Variants in NTRK2 observed in about 807,000 individuals in gnomAD.
The protein encoded by NTRK2 is BDNF/NT-3 growth factors receptor.
In NTRK2, 13 loss-of-function variants were observed where a neutral mutation model predicts 94.5. The ratio of observed to expected loss-of-function variants is 0.14; its 90% CI spans 0.09 to 0.22. NTRK2 has a LOEUF of 0.22. NTRK2 is among the 10% of genes least tolerant of loss of function. The pLI is 1.00. For synonymous variants in NTRK2, 372 were observed against 407.4 expected (o/e 0.91, Z 1.05); for missense variants, 639 against 1,071.2 (o/e 0.60, Z 5.63).
chr9:84,781,349 A>G (rs956240124), intron 12 of NTRK2, among the ~76,000 whole-genome samples: 4 of 152,144 alleles, frequency 2.6e-5, no homozygotes, highest in African/African-American at 4.8e-5. Flanking sequence ...GTTTTTATGT[A>G]TATGTTTTGT....
chr9:84,727,193 A>G (rs2062525986), intron 8 of NTRK2, among the ~76,000 whole-genome samples: 1 of 152,106 alleles, frequency 6.6e-6, no homozygotes, highest in South Asian at 2.1e-4. Flanking sequence ...TCAGGGCTTC[A>G]GGCAAAATTT....
intron 2 of NTRK2, among the ~76,000 whole-genome samples, chr9:84,682,230 A>G (rs1226899351): frequency 1.3e-5 from 2 of 152,198 alleles, no homozygotes; most frequent in Non-Finnish European, 2.9e-5. Context: ...CCTTTAACCA[A>G]TGCTTCTCAT....
intron 14 of NTRK2, chr9:84,873,985 A>G (rs200042253): frequency 9.4e-7 from 1 of 1,063,770 alleles, no homozygotes; most frequent in Non-Finnish European, 1.1e-6. Flanking sequence ...CACATATCAG[A>G]CATTTCAGTC....
At chr9:84,868,858 T>C (rs1437045793) in intron 14 of NTRK2, among the ~76,000 whole-genome samples, 1 of 152,160 alleles carries the variant, frequency 6.6e-6, no homozygotes, top group Non-Finnish European at 1.5e-5. Flanking sequence ...ACTTTGACAT[T>C]GACACCTCAG....
chr9:84,955,711 C>T (rs1416143021), intron 17 of NTRK2, 194 bp downstream of exon 17: 16 of 668,644 alleles, frequency 2.4e-5, no homozygotes, highest in East Asian at 1.7e-4. Flanking sequence ...CCTGAGGCCT[C>T]GCTCCTTGGC....
At chr9:84,681,725 C>T (rs977862365) in intron 2 of NTRK2, among the ~76,000 whole-genome samples, 3 of 152,176 alleles carry the variant, frequency 2.0e-5, no homozygotes, top group South Asian at 2.1e-4. Context: ...GTAGCTGGAG[C>T]GGTCTATCTG....
intron 9 of NTRK2, among the ~76,000 whole-genome samples, chr9:84,733,495 G>T (rs1027882426): frequency 4.6e-5 from 7 of 152,224 alleles, no homozygotes; most frequent in Non-Finnish European, 1.0e-4. Context: ...GCAGCGAGTT[G>T]TAACACTTGA....
At chr9:84,759,337 G>T (rs1170176202) in intron 12 of NTRK2, among the ~76,000 whole-genome samples, 1 of 152,232 alleles carries the variant, frequency 6.6e-6, no homozygotes, top group Non-Finnish European at 1.5e-5. Context: ...TTGAAAATGT[G>T]TGTCAGACTT....
chr9:84,673,111 G>T (rs2131297153), intron 2 of NTRK2, among the ~76,000 whole-genome samples: 1 of 152,226 alleles, frequency 6.6e-6, no homozygotes, highest in East Asian at 1.9e-4. Context: ...GACAAAGTAT[G>T]TTTCTCTGCT....
intron 17 of NTRK2, among the ~76,000 whole-genome samples, chr9:84,965,526 T>C (rs1825452159): frequency 6.6e-6 from 1 of 152,182 alleles, no homozygotes; most frequent in African/African-American, 2.4e-5. Context: ...AAAGGATAAA[T>C]AGCAGGTAGA....
intron 17 of NTRK2, among the ~76,000 whole-genome samples, chr9:84,967,415 T>G (rs1281213819): frequency 6.6e-6 from 1 of 152,226 alleles, no homozygotes; most frequent in Non-Finnish European, 1.5e-5. Context: ...AGAAAAGGCT[T>G]GTGGAGAGTC....
intron 14 of NTRK2, among the ~76,000 whole-genome samples, chr9:84,890,057 G>T (rs1270700872): frequency 6.6e-6 from 1 of 152,206 alleles, no homozygotes; most frequent in African/African-American, 2.4e-5. Context: ...TGAGTAAAAT[G>T]AGGATAAGTA....
intron 12 of NTRK2, among the ~76,000 whole-genome samples, chr9:84,845,369 C>A (rs137888584): frequency 3.3e-5 from 5 of 152,146 alleles, no homozygotes; most frequent in African/African-American, 1.2e-4. Flanking sequence ...GGAAAGTCTT[C>A]TCAAAAATGG....
rs963434553 is a variant in NTRK2, at chr9:84,670,520, C to T, written c.-229C>T. 5.2e-6 allele frequency: 3 copies of T among 573,978 alleles called. No homozygotes were observed. The highest frequency in any genetic ancestry group is 9.4e-6 in the Non-Finnish European group (3 of 320,544). The allele number at this position is 573,978 out of a possible 1,614,324, so 35.6% of individuals were successfully genotyped here. A position where few individuals can be genotyped will look rare whatever the true frequency, so the allele number is the denominator to read the frequency against. On this transcript the variant is annotated 5_prime_UTR_variant, in exon 2 of 19. Transcript: ENST00000277120. ...GGAGCTCCGAGCAGCGGTAGCGCCC[C>T]CCTGTAAAGCGGTTCGCTATGCCGG...
intron 12 of NTRK2, chr9:84,811,346 A>G (rs1479059435): frequency 9.4e-7 from 1 of 1,066,100 alleles, no homozygotes; most frequent in Admixed American, 5.4e-5. Flanking sequence ...AAACAAGAAC[A>G]AGCAGCAACA....
chr9:84,968,774 A>G (rs1825853352), intron 17 of NTRK2, among the ~76,000 whole-genome samples: 1 of 152,202 alleles, frequency 6.6e-6, no homozygotes, highest in Non-Finnish European at 1.5e-5. Flanking sequence ...TGAAGTATAC[A>G]TATTATTAAG....
chr9:85,001,851 A>C (rs1211380234), intron 17 of NTRK2, among the ~76,000 whole-genome samples: 1 of 152,164 alleles, frequency 6.6e-6, no homozygotes, highest in Non-Finnish European at 1.5e-5. Context: ...TAGTAAACAC[A>C]ACTCCTTTTT....
chr9:84,944,213 T>TCACACACACACACACA (rs1238064532), intron 15 of NTRK2, among the ~76,000 whole-genome samples: 14 of 136,888 alleles, frequency 1.0e-4, no homozygotes, highest in African/African-American at 1.5e-4. Flanking sequence ...TCTCTCTCTC[T>TCACACACACACACACA]CTCACACACA....
intron 14 of NTRK2, among the ~76,000 whole-genome samples, chr9:84,922,657 G>A (rs183342069): frequency 6.6e-6 from 1 of 152,258 alleles, no homozygotes; most frequent in East Asian, 1.9e-4. Flanking sequence ...TCTCTCCCGA[G>A]GCCCATCAGG....
Sources: gnomAD v4.1 joint callset for allele counts (sites outside exome capture counted in the v4.1 genomes callset) on GRCh38, gnomAD v4.1.1 for gene constraint, MANE v1.5 for transcripts, NCBI Gene and HGNC (gene_info 2026-07-23, HGNC 2026-07-21) for gene names.